Variants in OPRM1 observed in about 807,000 individuals in gnomAD.
OPRM1 encodes the protein opioid receptor mu 1, also known as mu-type opioid receptor.
In OPRM1, 27 loss-of-function variants were observed where a neutral mutation model predicts 31.8. The ratio of observed to expected loss-of-function variants is 0.85; its 90% CI spans 0.63 to 1.17. The LOEUF (loss-of-function observed/expected upper bound fraction) is 1.17. OPRM1 is among the 50% of genes most tolerant of loss of function. The pLI is 0.00. For synonymous variants in OPRM1, 196 were observed against 189.9 expected, an observed-to-expected ratio of 1.03 and a Z score of -0.26; for missense variants, 536 against 511.1, an observed-to-expected ratio of 1.05 and a Z score of -0.47.
At chr6:154,143,663 T>C (rs1798279706) in intron 3 of OPRM1, among the ~76,000 whole-genome samples, 1 of 152,184 alleles carries the variant, frequency 6.6e-6, no homozygotes, top group East Asian at 1.9e-4. Flanking sequence ...AGGTAGGACG[T>C]TTAAGAGGTG....
At chr6:154,017,460 C>G (rs1017366272) in intron 1 of OPRM1, among the ~76,000 whole-genome samples, 1 of 152,162 alleles carries the variant, frequency 6.6e-6, no homozygotes, top group Non-Finnish European at 1.5e-5. Flanking sequence ...TCAGGGCAGA[C>G]TGTCCTGGCT....
intron 3 of OPRM1, among the ~76,000 whole-genome samples, chr6:154,117,313 CA>C (rs1228639683): frequency 1.3e-5 from 2 of 152,294 alleles, no homozygotes; most frequent in African/African-American, 4.8e-5. Flanking sequence ...TAGAAGATGG[CA>C]AGAAGTAATA....
chr6:154,178,099 T>C (rs1800505916), intron 3 of OPRM1, among the ~76,000 whole-genome samples: 1 of 117,238 alleles, frequency 8.5e-6, no homozygotes, highest in African/African-American at 3.4e-5. Context: ...TGAGGACACA[T>C]GGACACAGGG....
chr6:154,167,624 A>T (rs1410343559), intron 3 of OPRM1, among the ~76,000 whole-genome samples: 1 of 152,214 alleles, frequency 6.6e-6, no homozygotes, highest in African/African-American at 2.4e-5. Flanking sequence ...TATAAGGGTT[A>T]AAAAACAAAT....
chr6:154,226,299 C>T (rs1779246217), intron 3 of OPRM1, among the ~76,000 whole-genome samples: 1 of 152,186 alleles, frequency 6.6e-6, no homozygotes, highest in Non-Finnish European at 1.5e-5. Flanking sequence ...GAGCTCCTGT[C>T]CCAGATTTCC....
At chr6:154,020,673 A>G (rs2128381203) in intron 1 of OPRM1, among the ~76,000 whole-genome samples, 1 of 152,298 alleles carries the variant, frequency 6.6e-6, no homozygotes, top group Non-Finnish European at 1.5e-5. Context: ...ACCAGCAATG[A>G]ATGAGAGTTC....
intron 3 of OPRM1, chr6:154,156,860 G>C (rs1378503187): frequency 1.3e-5 from 2 of 152,190 alleles, no homozygotes; most frequent in East Asian, 3.8e-4. Flanking sequence ...ACAACAGAGG[G>C]AAAAGGTCCT....
intron 1 of OPRM1, among the ~76,000 whole-genome samples, chr6:154,067,476 G>A (rs1489495418): frequency 6.6e-6 from 1 of 151,232 alleles, no homozygotes; most frequent in Non-Finnish European, 1.5e-5. Flanking sequence ...ATGTTATTAT[G>A]TTATTGATTT....
At chr6:154,166,348 G>A (rs1422926594) in intron 3 of OPRM1, among the ~76,000 whole-genome samples, 1 of 152,204 alleles carries the variant, frequency 6.6e-6, no homozygotes, top group Non-Finnish European at 1.5e-5. Context: ...GCTGCTCTGT[G>A]GAAGGCCTGA....
Position 154,028,488 on chromosome 6 carries a change from A to G in OPRM1, c.1-10673A>G, listed in dbSNP as rs149765219. ...TCTCCGTTAGCCACCACATACTCCT[A>G]TAGTCCACTGTCTACTGGCCACGTT... On this transcript the variant is annotated intron_variant, in intron 1 of 5. Coordinates refer to the OPRM1 transcript ENST00000434900. Among the ~76,000 whole-genome samples, 244 of 152,232 alleles carry G rather than the reference A, an allele frequency of 1.6e-3. 1 individual carries two copies. Among genetic ancestry groups the G allele is most frequent in the African/African-American group, 5.5e-3 (230 of 41,562 alleles).
intron 1 of OPRM1, among the ~76,000 whole-genome samples, chr6:154,050,622 G>T (rs1313505366): frequency 1.3e-5 from 2 of 151,970 alleles, no homozygotes; most frequent in African/African-American, 2.4e-5. Flanking sequence ...GGGGGCTGAT[G>T]GGGGGCTGGG....
intron 3 of OPRM1, among the ~76,000 whole-genome samples, chr6:154,202,624 T>C (rs1218231626): frequency 6.6e-6 from 1 of 152,220 alleles, no homozygotes; most frequent in African/African-American, 2.4e-5. Context: ...AACTGGGCTA[T>C]TTGAACAACA....
chr6:154,022,636 A>G (rs1016521725), intron 1 of OPRM1, among the ~76,000 whole-genome samples: 6 of 152,198 alleles, frequency 3.9e-5, no homozygotes, highest in African/African-American at 1.4e-4. Context: ...GCTGAGACCA[A>G]CGTCCTTGAA....
At position 154,246,745 on chromosome 6, in the gene OPRM1, C is replaced by G. The variant is rs765135787; in HGVS notation, c.1217C>G (p.Thr406Ser). The G allele has an allele frequency of 2.5e-6, 4 of 1,613,912 alleles. No homozygotes were observed. In the Admixed American group the frequency reaches 5.0e-5, roughly 20 times the overall value. Residue 406 changes from threonine (T) to serine (S), a missense_variant, in exon 4 of 4, where the codon ACT becomes AGT. Physicochemically the swap from Thr to Ser is moderately conservative, Grantham distance 58. Coordinates refer to the OPRM1 transcript ENST00000337049. ...ATCTTTACACGATATCCTCCTCCGA[C>G]TCATCGTGAGAAAACCTGCAATGAT...
At chr6:154,187,493 C>T (rs983913586) in intron 3 of OPRM1, among the ~76,000 whole-genome samples, 1 of 152,232 alleles carries the variant, frequency 6.6e-6, no homozygotes, top group Admixed American at 6.5e-5. Context: ...GGAGTTCCCA[C>T]ACCCAGAGAT....
At chr6:154,059,036 A>G (rs1272693561) in intron 1 of OPRM1, among the ~76,000 whole-genome samples, 1 of 152,188 alleles carries the variant, frequency 6.6e-6, no homozygotes, top group Non-Finnish European at 1.5e-5. Flanking sequence ...TTTTCAAACC[A>G]GTTATTGAGG....
chr6:154,081,019 T>TGTG (rs1262743597), intron 1 of OPRM1, among the ~76,000 whole-genome samples: 1 of 152,150 alleles, frequency 6.6e-6, no homozygotes, highest in Non-Finnish European at 1.5e-5. Flanking sequence ...TTGTTCTCAT[T>TGTG]GTGGTGGTGG....
intron 1 of OPRM1, among the ~76,000 whole-genome samples, chr6:154,040,268 G>GGT (rs141004316): frequency 1.2e-3 from 178 of 151,186 alleles, no homozygotes; most frequent in African/African-American, 3.7e-3. Flanking sequence ...GGTTGGGGCC[G>GGT]GTGTGTGTGT....
At chr6:154,034,238 C>G (rs1779165272), upstream of OPRM1, among the ~76,000 whole-genome samples, 1 of 152,186 alleles carries the variant, frequency 6.6e-6, no homozygotes, top group African/African-American at 2.4e-5. Flanking sequence ...CCGTGGATCA[C>G]TATTTTTATT....
Sources: allele counts gnomAD v4.1 joint callset (sites outside exome capture counted in the v4.1 genomes callset), GRCh38; gene constraint gnomAD v4.1.1; transcripts MANE v1.5; gene names NCBI Gene and HGNC (gene_info 2026-07-23, HGNC 2026-07-21).